ADAMTS9: variants seen among roughly 807,000 people sequenced by gnomAD.
ADAMTS9 encodes the protein ADAM metallopeptidase with thrombospondin type 1 motif 9.
ADAMTS9 carries 107 observed loss-of-function variants against 257.1 expected under a neutral mutation model. The observed-to-expected ratio is 0.42, with a 90% CI of 0.36 to 0.49. The LOEUF is 0.49. Ranked by LOEUF, ADAMTS9 falls within the 20% of genes least tolerant of loss-of-function variation. The probability of loss-of-function intolerance (pLI) is 0.03; values close to 1 mark genes in which losing one functional copy is unlikely to be tolerated. For synonymous variants in ADAMTS9, 982 were observed against 880.9 expected, an observed-to-expected ratio of 1.11 and a Z score of -2.03; for missense variants, 2,353 against 2,469.1, an observed-to-expected ratio of 0.95 and a Z score of 1.00.
At chr3:64,520,880 G>T (rs1274484307) in intron 39 of ADAMTS9, among the ~76,000 whole-genome samples, 2 of 151,962 alleles carry the variant, frequency 1.3e-5, no homozygotes, top group African/African-American at 4.8e-5. Flanking sequence ...TCTGAACATT[G>T]GCCTAGGCAA....
chr3:64,553,923 G>A (rs1021135079), intron 30 of ADAMTS9, among the ~76,000 whole-genome samples: 3 of 151,982 alleles, frequency 2.0e-5, no homozygotes, highest in African/African-American at 7.3e-5. Flanking sequence ...TTAAAAAGGT[G>A]AGATAGAGGG....
intron 26 of ADAMTS9, among the ~76,000 whole-genome samples, chr3:64,599,929 C>T (rs1341738019): frequency 6.6e-6 from 1 of 152,022 alleles, no homozygotes; most frequent in Admixed American, 6.6e-5. Context: ...ATTATCTGGC[C>T]CTCTGCAGAC....
chr3:64,534,222 T>A (rs2083018217), intron 37 of ADAMTS9, among the ~76,000 whole-genome samples: 1 of 152,116 alleles, frequency 6.6e-6, no homozygotes, highest in South Asian at 2.1e-4. Flanking sequence ...TAAGAAAAAT[T>A]CTTTCACCTG....
chr3:64,634,822 T>G (rs1175724554), intron 12 of ADAMTS9, among the ~76,000 whole-genome samples: 3 of 152,174 alleles, frequency 2.0e-5, no homozygotes, highest in Non-Finnish European at 4.4e-5. Context: ...CAGAGTAATC[T>G]GGACTATAAA....
intron 3 of ADAMTS9, among the ~76,000 whole-genome samples, chr3:64,670,592 T>C (rs1169085461): frequency 6.6e-6 from 1 of 152,156 alleles, no homozygotes; most frequent in African/African-American, 2.4e-5. Flanking sequence ...CAAGCCACAA[T>C]CTGGGAGACA....
chr3:64,637,386 A>G (rs1700526470), intron 12 of ADAMTS9, among the ~76,000 whole-genome samples: 1 of 152,224 alleles, frequency 6.6e-6, no homozygotes, highest in Non-Finnish European at 1.5e-5. Flanking sequence ...TTGCATGTCA[A>G]ATAGGGATAG....
chr3:64,663,981 C>T (rs1466206491), intron 3 of ADAMTS9, among the ~76,000 whole-genome samples: 1 of 152,132 alleles, frequency 6.6e-6, no homozygotes, highest in Non-Finnish European at 1.5e-5. Flanking sequence ...AACTCTGTTG[C>T]TTCTGAATAG....
chr3:64,681,052 G>T, intron 3 of ADAMTS9, 149 bp downstream of exon 3: 2 of 845,636 alleles, frequency 2.4e-6, no homozygotes, highest in Non-Finnish European at 3.6e-6. Context: ...CTGTACAGTG[G>T]GGTATGTATC....
At chr3:64,526,592 T>C (rs2082913065) in intron 38 of ADAMTS9, among the ~76,000 whole-genome samples, 1 of 152,210 alleles carries the variant, frequency 6.6e-6, no homozygotes, top group Admixed American at 6.5e-5. Flanking sequence ...GCCAGGGCCT[T>C]CACGATACAG....
chr3:64,568,463 C>G lies in ADAMTS9; in HGVS notation c.4429G>C (p.Glu1477Gln). Residue 1477 changes from glutamate (E) to glutamine (Q), a missense_variant, in exon 29 of 40, where the codon GAA (glutamate) becomes CAA (glutamine). By Grantham distance (29) the Glu-to-Gln change is conservative. Coordinates refer to ENST00000498707, the MANE Select transcript of ADAMTS9 (RefSeq NM_182920.2). ...YCMAKDGSHL[E>Q]SDYCKHLAKP... Reference sequence around the variant, plus strand: ...GCCAGGTGCTTACAGTAATCACTTTCTAAATGGCTTCCATCTTTTGCCATG... The same window carrying G: ...GCCAGGTGCTTACAGTAATCACTTTGTAAATGGCTTCCATCTTTTGCCATG... 1 of 1,614,142 alleles carries G rather than the reference C, an allele frequency of 6.2e-7. No individual in the cohort carries two copies. The highest frequency in any genetic ancestry group is 2.2e-5 in the East Asian group (1 of 44,872).
intron 11 of ADAMTS9, among the ~76,000 whole-genome samples, chr3:64,646,814 C>G (rs946129006): frequency 2.6e-5 from 4 of 152,194 alleles, no homozygotes; most frequent in African/African-American, 9.7e-5. Context: ...CCAGTAGGCC[C>G]TGCTGCCCCT....
chr3:64,599,617 T>C (rs2084422390), intron 26 of ADAMTS9, among the ~76,000 whole-genome samples: 1 of 152,196 alleles, frequency 6.6e-6, no homozygotes, highest in South Asian at 2.1e-4. Flanking sequence ...GCAACTGGAC[T>C]TTCCTGGGAA....
chr3:64,587,576 C>T (rs980076273), intron 28 of ADAMTS9: 2 of 152,078 alleles, frequency 1.3e-5, no homozygotes, highest in East Asian at 1.9e-4. Flanking sequence ...ACATTTACAT[C>T]GCTGCAGAAA....
At chr3:64,643,595 G>C (rs967794853) in intron 11 of ADAMTS9, among the ~76,000 whole-genome samples, 2 of 151,272 alleles carry the variant, frequency 1.3e-5, no homozygotes, top group African/African-American at 4.9e-5. Context: ...TGGGACCACA[G>C]GTGTATGCCA....
chr3:64,650,660 T>A (rs992432862), intron 9 of ADAMTS9: 1 of 190,230 alleles, frequency 5.3e-6, no homozygotes, highest in African/African-American at 2.4e-5. Context: ...AGGCCCAAAT[T>A]ACTAAATTAG....
chr3:64,679,545 A>G (rs1159305698), intron 3 of ADAMTS9, among the ~76,000 whole-genome samples: 1 of 152,236 alleles, frequency 6.6e-6, no homozygotes, highest in African/African-American at 2.4e-5. Context: ...AATAATAAAT[A>G]GTCATTTTTT....
rs565589396 is a variant in ADAMTS9, at chr3:64,563,618, A to G, written c.4525-1867T>C. ...CAACGAAGGCACGGTACTAAGAGCC[A>G]TAAGTATCCAACATTTAAAAAATCA... On this transcript the variant is annotated intron_variant, in intron 29 of 39. Coordinates refer to ENST00000498707, the MANE Select transcript of ADAMTS9 (RefSeq NM_182920.2). Among the ~76,000 whole-genome samples, 7 of 152,360 alleles carry G rather than the reference A, an allele frequency of 4.6e-5. No homozygotes were observed. In the East Asian group the frequency reaches 1.3e-3, roughly 29 times the overall value.
intron 3 of ADAMTS9, among the ~76,000 whole-genome samples, chr3:64,662,001 A>C (rs374324267): frequency 6.6e-6 from 1 of 151,926 alleles, no homozygotes; most frequent in African/African-American, 2.4e-5. Context: ...GTTGCCTTAA[A>C]GTAGAAGGTT....
chr3:64,578,696 G>C (rs2083919658), intron 28 of ADAMTS9, among the ~76,000 whole-genome samples: 1 of 152,172 alleles, frequency 6.6e-6, no homozygotes, highest in African/African-American at 2.4e-5. Context: ...CCACAAATCT[G>C]TTCTTCCTGT....
Sources: gnomAD v4.1 joint callset for allele counts (sites outside exome capture counted in the v4.1 genomes callset) on GRCh38, gnomAD v4.1.1 for gene constraint, MANE v1.5 for transcripts, NCBI Gene and HGNC (gene_info 2026-07-23, HGNC 2026-07-21) for gene names.